Variants in C2CD5 observed in about 807,000 individuals in gnomAD.
C2CD5 encodes the protein C2 domain-containing protein 5.
A neutral mutation model predicts 130.3 loss-of-function variants in C2CD5; 109 were observed. The observed-to-expected ratio is 0.84, with a 90% CI of 0.72 to 0.98. The LOEUF is 0.98. Ranked by LOEUF, C2CD5 falls within the 50% of genes least tolerant of loss-of-function variation. The probability of loss-of-function intolerance (pLI) is 0.00; values close to 1 mark genes in which losing one functional copy is unlikely to be tolerated. For missense variants in C2CD5, 996 were observed against 1,261.8 expected (o/e 0.79, Z 3.19); for synonymous variants, 454 against 429.2 (o/e 1.06, Z -0.71).
chr12:22,523,410 A>T lies in C2CD5; in HGVS notation c.800+16T>A. The T allele has an allele frequency of 6.3e-7, 1 of 1,593,042 alleles. No individual in the cohort carries two copies. The highest frequency in any genetic ancestry group is 8.6e-7 in the Non-Finnish European group (1 of 1,162,168). ...TAAAAATCTTAGCAAGAACAATTTCATTGATTCATACTTACTCCTTCATTT... is the reference window on the plus strand; with the variant it reads ...TAAAAATCTTAGCAAGAACAATTTCTTTGATTCATACTTACTCCTTCATTT... On this transcript the variant is annotated intron_variant, in intron 7 of 26. Coordinates refer to ENST00000446597, the MANE Select transcript of C2CD5 (RefSeq NM_001286176.2).
At chr12:22,457,729 A>G (rs2136005362) in intron 24 of C2CD5, among the ~76,000 whole-genome samples, 1 of 152,158 alleles carries the variant, frequency 6.6e-6, no homozygotes, top group Admixed American at 6.6e-5. Context: ...CACTTATTAA[A>G]TAACTGCCAT....
At chr12:22,503,151 A>G (rs7134347) in intron 10 of C2CD5, among the ~76,000 whole-genome samples, 3,168 of 152,340 alleles carry the variant, frequency 0.021, 115 homozygotes, top group African/African-American at 0.069. Context: ...TGGTTTTAAA[A>G]TAAGATTTTT....
At position 22,523,584 on chromosome 12, in the gene C2CD5, C is replaced by CG; in HGVS notation, c.641_642insC (p.Met214IlefsTer34). On this transcript the variant is annotated frameshift_variant, in exon 7 of 27. Transcript: ENST00000446597. LOFTEE classifies it high-confidence loss of function. ...AGTACCCCACAACTGCATTTCCTCT[C>CG]ATTTCAAGTACTTTCAAGCCAATCT... The CG allele has an allele frequency of 6.2e-7, 1 of 1,613,848 alleles. No individual in the cohort carries two copies. The highest frequency in any genetic ancestry group is 8.5e-7 in the Non-Finnish European group (1 of 1,179,970).
intron 15 of C2CD5, chr12:22,478,025 A>ACACT (rs368849124): frequency 2.7e-6 from 1 of 364,432 alleles, no homozygotes; most frequent in Admixed American, 3.9e-5. Flanking sequence ...ACACACACAC[A>ACACT]CACTCACACA....
intron 10 of C2CD5, among the ~76,000 whole-genome samples, chr12:22,495,749 C>T (rs1389486100): frequency 6.6e-6 from 1 of 152,040 alleles, no homozygotes; most frequent in East Asian, 1.9e-4. Flanking sequence ...GCTAAGGAAG[C>T]AAATGGCATA....
chr12:22,453,541 G>A (rs931474044), intron 26 of C2CD5, among the ~76,000 whole-genome samples: 1 of 152,030 alleles, frequency 6.6e-6, no homozygotes, highest in African/African-American at 2.4e-5. Flanking sequence ...CATTAGTAAG[G>A]CAGCTGAAAC....
chr12:22,473,459 A>G (rs1229277756), intron 16 of C2CD5, among the ~76,000 whole-genome samples: 1 of 151,966 alleles, frequency 6.6e-6, no homozygotes, highest in East Asian at 1.9e-4. Context: ...ACCTCAACCC[A>G]TTATTCCCCA....
intron 7 of C2CD5, among the ~76,000 whole-genome samples, chr12:22,522,507 A>G (rs1262887759): frequency 6.6e-6 from 1 of 152,200 alleles, no homozygotes; most frequent in Non-Finnish European, 1.5e-5. Flanking sequence ...TCTAAAATGC[A>G]TGACTCTAAA....
intron 10 of C2CD5, among the ~76,000 whole-genome samples, chr12:22,494,505 T>C (rs2136493727): frequency 1.3e-5 from 2 of 152,142 alleles, no homozygotes; most frequent in Non-Finnish European, 2.9e-5. Context: ...TAGCTCACAT[T>C]CCTATGATGA....
chr12:22,513,206 G>T, intron 9 of C2CD5, 88 bp downstream of exon 9: 2 of 963,370 alleles, frequency 2.1e-6, no homozygotes, highest in Non-Finnish European at 3.3e-6. Flanking sequence ...AACCAAAACA[G>T]TTCATGAAAA....
rs151297499 is a variant in C2CD5 at position 22,506,768 on chromosome 12, C to A, written c.1090G>T (p.Val364Phe). Residue 364 changes from valine to phenylalanine, a missense_variant, in exon 10 of 27, where the codon GTT (valine) becomes TTT (phenylalanine). Physicochemically the swap from Val to Phe is conservative, Grantham distance 50. Around this residue, in one of 9 missense-constraint regions of C2CD5, gnomAD observed 156 missense variants for 165.9 expected, o/e 0.94. Transcript: ENST00000446597. ...TAFPPGFLVH[V>F]GGVVSARSVK... Reference sequence around the variant, plus strand: ...GAACGTGCACTAACTACACCCCCAACGTGTACAAGGAATCCAGGAGGAAAT... The same window carrying A: ...GAACGTGCACTAACTACACCCCCAAAGTGTACAAGGAATCCAGGAGGAAAT... 4 of 1,612,378 alleles carry A rather than the reference C, an allele frequency of 2.5e-6. No individual in the cohort carries two copies. Among genetic ancestry groups the A allele is most frequent in the Non-Finnish European group, 3.4e-6 (4 of 1,178,648 alleles).
intron 8 of C2CD5, among the ~76,000 whole-genome samples, chr12:22,517,374 T>TA (rs1949840222): frequency 1.3e-5 from 2 of 151,924 alleles, no homozygotes; most frequent in African/African-American, 4.8e-5. Flanking sequence ...ATCAACTTTT[T>TA]ATCATAAAAC....
chr12:22,472,379 A>G, intron 17 of C2CD5, 32 bp from the exon 18 acceptor site: 1 of 1,040,160 alleles, frequency 9.6e-7, no homozygotes, highest in Non-Finnish European at 1.4e-6. Context: ...AAAATATATG[A>G]TAATATTTCA....
intron 12 of C2CD5, among the ~76,000 whole-genome samples, chr12:22,485,125 A>G (rs1339788696): frequency 2.6e-5 from 4 of 152,064 alleles, no homozygotes; most frequent in Admixed American, 1.3e-4. Flanking sequence ...ATTTTGCACC[A>G]ATTTATTTGT....
chr12:22,472,323 A>G lies in C2CD5; in HGVS notation c.2132T>C (p.Ile711Thr). ...PSGFYSCNTE[I>T]MPGINNWTSE... ...GGTCCAATTATTTATACCGGGCATAATTTCTGTATTACAACTATAAAAGCC... is the reference window on the plus strand; with the variant it reads ...GGTCCAATTATTTATACCGGGCATAGTTTCTGTATTACAACTATAAAAGCC... Residue 711 changes from isoleucine to threonine, a missense_variant, in exon 18 of 27, where the codon ATT (isoleucine) becomes ACT (threonine). Transcript: ENST00000446597. The G allele has an allele frequency of 6.7e-7, 1 of 1,500,756 alleles. No individual in the cohort carries two copies. 93.0% of individuals were successfully genotyped at this position (1,500,756 alleles called of 1,614,324 possible). A position where few individuals can be genotyped will look rare whatever the true frequency, so the allele number is the denominator to read the frequency against.
At chr12:22,484,604 T>C (rs567469617) in intron 13 of C2CD5, 93 bp downstream of exon 13, 40 of 588,558 alleles carry the variant, frequency 6.8e-5, no homozygotes, top group Non-Finnish European at 1.1e-4. Flanking sequence ...ATCAAACAGG[T>C]AGGAAACAGT....
In C2CD5 at chr12:22,544,355, C is replaced by T; in HGVS notation, c.-65G>A. ...GGAAGGGTGCTGTCCCGCGCGGGTGCTGAGACCTCATTCCGGAGAGGCGGC... is the reference window on the plus strand; with the variant it reads ...GGAAGGGTGCTGTCCCGCGCGGGTGTTGAGACCTCATTCCGGAGAGGCGGC... On this transcript the variant is annotated 5_prime_UTR_variant, in exon 1 of 27. Transcript: ENST00000446597. 2.1e-6 allele frequency: 1 copy of T among 470,040 alleles called. No individual in the cohort carries two copies. The highest frequency in any genetic ancestry group is 3.7e-6 in the Non-Finnish European group (1 of 268,112). 29.1% of individuals were successfully genotyped at this position (470,040 alleles called of 1,614,324 possible).
At chr12:22,539,849 C>A (rs1054051391) in intron 2 of C2CD5, among the ~76,000 whole-genome samples, 15 of 152,004 alleles carry the variant, frequency 9.9e-5, no homozygotes, top group African/African-American at 3.4e-4. Context: ...AAAAAATTAG[C>A]CAGGCATGGT....
At chr12:22,490,026 G>T in intron 12 of C2CD5, 97 bp downstream of exon 12, 1 of 813,544 alleles carries the variant, frequency 1.2e-6, no homozygotes, top group Non-Finnish European at 2.1e-6. Flanking sequence ...ACCCCTGTAA[G>T]CCACCCTACG....
Sources: gnomAD v4.1 joint callset for allele counts (sites outside exome capture counted in the v4.1 genomes callset) on GRCh38, gnomAD v4.1.1 for gene constraint, gnomAD v4.1.1 regional missense constraint, MANE v1.5 for transcripts, NCBI Gene and HGNC (gene_info 2026-07-23, HGNC 2026-07-21) for gene names.